EVA1C: variants seen among roughly 807,000 people sequenced by gnomAD.
The protein encoded by EVA1C is eva-1 homolog C.
A neutral mutation model predicts 45.4 loss-of-function variants in EVA1C; 25 were observed. That is an observed-to-expected ratio of 0.55 (90% CI 0.40 to 0.77). The LOEUF (loss-of-function observed/expected upper bound fraction) is 0.77. Ranked by LOEUF, EVA1C falls within the 30% of genes least tolerant of loss-of-function variation. EVA1C has a pLI of 0.00. For missense variants in EVA1C, 479 were observed against 554.8 expected (o/e 0.86, Z 1.37); for synonymous variants, 190 against 221.2 (o/e 0.86, Z 1.25).
chr21:32,469,102 T>C (rs141718472), intron 4 of EVA1C, among the ~76,000 whole-genome samples: 2,030 of 152,314 alleles, frequency 0.013, 17 homozygotes, highest in Non-Finnish European at 0.021. Context: ...ACCTGCTGTA[T>C]GCTGGGCCCT....
At chr21:32,482,854 CTTTTTTTTTTTT>C (rs774611494) in intron 4 of EVA1C, among the ~76,000 whole-genome samples, 3 of 60,970 alleles carry the variant, frequency 4.9e-5, no homozygotes, top group South Asian at 5.9e-4. Context: ...GTGTTATTCC[CTTTTTTTTTTTT>C]TTTTTTTTTG....
At chr21:32,446,660 C>T (rs1202000698) in intron 1 of EVA1C, among the ~76,000 whole-genome samples, 1 of 152,220 alleles carries the variant, frequency 6.6e-6, no homozygotes, top group Non-Finnish European at 1.5e-5. Flanking sequence ...AGCAGCTCAT[C>T]TGTCATCTGC....
At chr21:32,477,605 C>G (rs1328784767) in intron 4 of EVA1C, among the ~76,000 whole-genome samples, 2 of 151,914 alleles carry the variant, frequency 1.3e-5, no homozygotes, top group African/African-American at 2.4e-5. Flanking sequence ...ACGTGAGTTT[C>G]TCCCCACATG....
chr21:32,489,674 T>C (rs1279630838), intron 4 of EVA1C, among the ~76,000 whole-genome samples: 2 of 152,252 alleles, frequency 1.3e-5, no homozygotes, highest in African/African-American at 4.8e-5. Context: ...ATTGAGCCTG[T>C]AGATCACTTT....
intron 3 of EVA1C, among the ~76,000 whole-genome samples, chr21:32,465,930 A>G (rs990061043): frequency 2.6e-5 from 4 of 152,254 alleles, no homozygotes; most frequent in Admixed American, 1.3e-4. Context: ...ACCACAGTCC[A>G]GCATGGGACA....
rs541442570 is a variant in EVA1C at position 32,430,206 on chromosome 21, C to A, written c.160+17193C>A. On this transcript the variant is annotated intron_variant, in intron 1 of 7. Coordinates refer to ENST00000300255, the MANE Select transcript of EVA1C (RefSeq NM_058187.5). ...GGAGGTGCCTCAGTTTACATGGGAGCTTGGCCTCTCCAGCTTGCCTTCTTA... is the reference window on the plus strand; with the variant it reads ...GGAGGTGCCTCAGTTTACATGGGAGATTGGCCTCTCCAGCTTGCCTTCTTA... Among the ~76,000 whole-genome samples, 5 of 152,318 alleles carry A rather than the reference C, an allele frequency of 3.3e-5. No individual in the cohort carries two copies. The East Asian group carries it at 7.7e-4, about 24-fold the overall frequency.
At chr21:32,498,425 G>A (rs2037423071) in intron 5 of EVA1C, among the ~76,000 whole-genome samples, 1 of 147,976 alleles carries the variant, frequency 6.8e-6, no homozygotes, top group Non-Finnish European at 1.5e-5. Flanking sequence ...GGTGACAAGG[G>A]TGAAACTCTG....
intron 6 of EVA1C, 98 bp downstream of exon 6, chr21:32,501,593 G>A: frequency 8.7e-6 from 13 of 1,498,308 alleles, no homozygotes; most frequent in Non-Finnish European, 1.1e-5. Context: ...AATGGAAGGG[G>A]CTGTCAGGAG....
chr21:32,459,387 A>C (rs1172247652), intron 3 of EVA1C, among the ~76,000 whole-genome samples: 1 of 152,216 alleles, frequency 6.6e-6, no homozygotes, highest in Non-Finnish European at 1.5e-5. Flanking sequence ...AGGAAATCAC[A>C]TCAAGATCTC....
intron 1 of EVA1C, among the ~76,000 whole-genome samples, chr21:32,451,214 G>A (rs547222696): frequency 6.6e-6 from 1 of 152,224 alleles, no homozygotes; most frequent in African/African-American, 2.4e-5. Context: ...TTACACACAG[G>A]TCATCGAGCA....
intron 2 of EVA1C, among the ~76,000 whole-genome samples, chr21:32,455,856 T>C (rs2035759825): frequency 6.6e-6 from 1 of 152,144 alleles, no homozygotes; most frequent in African/African-American, 2.4e-5. Flanking sequence ...CGCTACTCTT[T>C]CAACCAGAGG....
intron 4 of EVA1C, among the ~76,000 whole-genome samples, chr21:32,471,476 C>A (rs1338430593): frequency 6.6e-6 from 1 of 151,996 alleles, no homozygotes; most frequent in African/African-American, 2.4e-5. Flanking sequence ...CATGTGCATG[C>A]CACCATGCCC....
At chr21:32,448,724 T>A (rs957371671) in intron 1 of EVA1C, among the ~76,000 whole-genome samples, 1 of 151,796 alleles carries the variant, frequency 6.6e-6, no homozygotes, top group Non-Finnish European at 1.5e-5. Flanking sequence ...CTGACCAATA[T>A]GATGAAACCC....
chr21:32,447,266 A>G (rs964392241), intron 1 of EVA1C, among the ~76,000 whole-genome samples: 5 of 151,936 alleles, frequency 3.3e-5, no homozygotes, highest in African/African-American at 9.7e-5. Flanking sequence ...CAGCTACTCC[A>G]GAGGCTGAGG....
At chr21:32,498,843 T>G (rs529588777) in intron 5 of EVA1C, among the ~76,000 whole-genome samples, 1 of 152,208 alleles carries the variant, frequency 6.6e-6, no homozygotes, top group Non-Finnish European at 1.5e-5. Context: ...CACCAACATA[T>G]CTGAAGTGGA....
At chr21:32,437,879 C>T (rs912187126) in intron 1 of EVA1C, among the ~76,000 whole-genome samples, 4 of 152,148 alleles carry the variant, frequency 2.6e-5, no homozygotes, top group Admixed American at 6.5e-5. Context: ...GAGGAGCGAG[C>T]GCTTTTGCTC....
intron 7 of EVA1C, 95 bp from the exon 8 acceptor site, chr21:32,514,719 C>T (rs779067761): frequency 7.3e-5 from 99 of 1,359,816 alleles, no homozygotes; most frequent in Non-Finnish European, 9.1e-5. Context: ...CTTCATTAGC[C>T]CCCTGCTTGG....
intron 4 of EVA1C, among the ~76,000 whole-genome samples, chr21:32,477,867 C>A (rs188189662): frequency 8.8e-5 from 2 of 22,654 alleles, no homozygotes; most frequent in Non-Finnish European, 1.8e-4. Flanking sequence ...CCCTCCCCTC[C>A]CCTCCCCCGT....
At chr21:32,450,774 C>A (rs2035552025) in intron 1 of EVA1C, among the ~76,000 whole-genome samples, 1 of 152,054 alleles carries the variant, frequency 6.6e-6, no homozygotes, top group African/African-American at 2.4e-5. Flanking sequence ...AGGCCCAGGG[C>A]CACTGAGGGG....
Sources: allele counts gnomAD v4.1 joint callset (sites outside exome capture counted in the v4.1 genomes callset), GRCh38; gene constraint gnomAD v4.1.1; transcripts MANE v1.5; gene names NCBI Gene and HGNC (gene_info 2026-07-23, HGNC 2026-07-21).